The following ADGRD2 variants were observed in gnomAD, a reference collection of about 807,000 sequenced individuals.
ADGRD2 encodes the protein G protein-coupled receptor PGR24.
Under a neutral mutation model 44.4 loss-of-function variants are expected in ADGRD2, and 71 were observed. The observed-to-expected ratio is 1.60, with a 90% CI of 1.32 to 1.95. The LOEUF is 1.95. Ranked by LOEUF, ADGRD2 falls within the 30% of genes most tolerant of loss-of-function variation. The pLI, the probability that ADGRD2 is intolerant of heterozygous loss-of-function variation, is 0.00. For synonymous variants in ADGRD2, 481 were observed against 224.8 expected (o/e 2.14, Z -10.19); for missense variants, 1,039 against 512.4 (o/e 2.03, Z -9.92).
intron 21 of ADGRD2, among the ~76,000 whole-genome samples, chr9:124,477,318 C>A (rs1832068430): frequency 6.6e-6 from 1 of 152,188 alleles, no homozygotes; most frequent in Admixed American, 6.5e-5. Context: ...GGACCCTGAC[C>A]GCTGGCCGCC....
intron 17 of ADGRD2, among the ~76,000 whole-genome samples, chr9:124,473,057 T>C (rs547803217): frequency 1.3e-5 from 2 of 152,288 alleles, no homozygotes; most frequent in African/African-American, 4.8e-5. Flanking sequence ...GCCTTTCCCT[T>C]CACCTCTCCT....
chr9:124,454,638 T>C lies in ADGRD2; in HGVS notation c.1108+69T>C. 1 of 688,308 alleles carries C rather than the reference T, an allele frequency of 1.5e-6. No homozygotes were observed. Among genetic ancestry groups the C allele is most frequent in the Non-Finnish European group, 2.7e-6 (1 of 367,616 alleles). The allele number at this position is 688,308 out of a possible 1,614,324, so 42.6% of individuals were successfully genotyped here. A position where few individuals can be genotyped will look rare whatever the true frequency, so the allele number is the denominator to read the frequency against. On this transcript the variant is annotated intron_variant, in intron 5 of 21. Transcript: ENST00000334810. This position sits in a 1 kb window ranked among gnomAD's most constrained non-coding sequence, Gnocchi z 4.5. ...GTCACCTCGCTGCACCTCAGTTTCCTCCCTTGTAAAGGGGACACCCACCTG... is the reference window on the plus strand; with the variant it reads ...GTCACCTCGCTGCACCTCAGTTTCCCCCCTTGTAAAGGGGACACCCACCTG...
chr9:124,477,275 T>A lies in ADGRD2; in HGVS notation c.*18+566T>A, dbSNP rs1476665891. Among the ~76,000 whole-genome samples the A allele has an allele frequency of 4.6e-5, 7 of 152,122 alleles. No individual in the cohort carries two copies. In the East Asian group the frequency reaches 1.4e-3, roughly 29 times the overall value. On this transcript the variant is annotated intron_variant, in intron 21 of 21. Transcript: ENST00000334810. ...CCGGCTCAGGGAGAGGACTGAAGCC[T>A]GGGGAGCTCAGCCGGGCCCAGGGGA...
intron 16 of ADGRD2, among the ~76,000 whole-genome samples, chr9:124,470,067 C>T (rs1170638005): frequency 6.6e-6 from 1 of 152,144 alleles, no homozygotes; most frequent in Non-Finnish European, 1.5e-5. Flanking sequence ...TTTCCCCTTC[C>T]CCACCCATCC....
chr9:124,452,354 T>C lies in ADGRD2; in HGVS notation c.69-156T>C, dbSNP rs74331934. On this transcript the variant is annotated intron_variant, in intron 1 of 21. Coordinates refer to ENST00000334810, the Ensembl canonical transcript of ADGRD2. ...ATTGCGCAGATGACGAAAAGAGCTC[T>C]GCAAGAGGACAGGACTCAGCAGGCC... is the stretch of plus-strand genomic sequence containing the variant. The C allele has an allele frequency of 3.1e-3, 2,039 of 649,256 alleles. 36 individuals are homozygous for C. The African/African-American group carries it at 0.032, about 10-fold the overall frequency. The allele number at this position is 649,256 out of a possible 1,614,324, so 40.2% of individuals were successfully genotyped here.
chr9:124,464,945 A>G (rs898983358), intron 10 of ADGRD2, among the ~76,000 whole-genome samples: 4 of 152,194 alleles, frequency 2.6e-5, no homozygotes, highest in African/African-American at 9.6e-5. Flanking sequence ...CAGTAGCCAG[A>G]GGCCTGTGTG....
At chr9:124,465,964 T>G in intron 10 of ADGRD2, 1 of 247,936 alleles carries the variant, frequency 4.0e-6, no homozygotes. Context: ...GCTCCAGGGA[T>G]TATCCTGGCT....
chr9:124,468,765 A>G lies in ADGRD2; in HGVS notation c.2387+93A>G, dbSNP rs1588607379. On this transcript the variant is annotated intron_variant, in intron 14 of 21. Coordinates refer to ENST00000334810, the Ensembl canonical transcript of ADGRD2. ...TAACATGGCCCCACACCCAGCACTC[A>G]GCACCCAGCACCACTCAGCATCCGG... 2.2e-5 allele frequency: 14 copies of G among 631,444 alleles called. No homozygotes were observed. In the East Asian group the frequency reaches 3.8e-4, roughly 17 times the overall value. 39.1% of individuals were successfully genotyped at this position (631,444 alleles called of 1,614,324 possible). A position where few individuals can be genotyped will look rare whatever the true frequency, so the allele number is the denominator to read the frequency against.
At chr9:124,470,007 G>T (rs951756567) in intron 16 of ADGRD2, among the ~76,000 whole-genome samples, 1 of 152,106 alleles carries the variant, frequency 6.6e-6, no homozygotes, top group Non-Finnish European at 1.5e-5. Flanking sequence ...TCACACTCTG[G>T]GAGAGAGAGG....
At chr9:124,462,664 C>T (rs766515283) in intron 10 of ADGRD2, among the ~76,000 whole-genome samples, 2 of 151,940 alleles carry the variant, frequency 1.3e-5, no homozygotes, top group African/African-American at 2.4e-5. Flanking sequence ...TGGATATTAC[C>T]GGAAATGATA....
At chr9:124,462,800 T>A (rs113921194) in intron 10 of ADGRD2, among the ~76,000 whole-genome samples, 6 of 152,364 alleles carry the variant, frequency 3.9e-5, no homozygotes, top group African/African-American at 1.4e-4. Context: ...TTCTGGAACC[T>A]CTAGGATTTT....
intron 10 of ADGRD2, among the ~76,000 whole-genome samples, chr9:124,459,067 T>A (rs1203268062): frequency 6.6e-6 from 1 of 152,118 alleles, no homozygotes; most frequent in Non-Finnish European, 1.5e-5. Flanking sequence ...TCCCATGGAG[T>A]CATTCACTGC....
chr9:124,476,093 G>A (rs1421831446), intron 19 of ADGRD2, among the ~76,000 whole-genome samples: 9 of 152,284 alleles, frequency 5.9e-5, no homozygotes, highest in South Asian at 2.1e-4. Context: ...CAGATGGTGA[G>A]TAAATGGGGT....
At chr9:124,457,067 C>T (rs1439578534) in intron 7 of ADGRD2, among the ~76,000 whole-genome samples, 1 of 152,236 alleles carries the variant, frequency 6.6e-6, no homozygotes, top group Non-Finnish European at 1.5e-5. Context: ...AATTATCTCC[C>T]TCTATGGGAC....
At chr9:124,464,439 T>C (rs4838183) in intron 10 of ADGRD2, among the ~76,000 whole-genome samples, 108,906 of 152,142 alleles carry the variant, frequency 0.72, 40,293 homozygotes, top group African/African-American at 0.91. Context: ...TAACCCTCCT[T>C]TCTGAGCCTC....
chr9:124,468,745 T>C (rs1588607372), intron 14 of ADGRD2, 73 bp downstream of exon 17: 1 of 657,006 alleles, frequency 1.5e-6, no homozygotes. Flanking sequence ...CCATCTAACA[T>C]GGCCCCACAC....
At chr9:124,461,198 C>A (rs933799145) in intron 10 of ADGRD2, among the ~76,000 whole-genome samples, 3 of 151,934 alleles carry the variant, frequency 2.0e-5, no homozygotes, top group Non-Finnish European at 4.4e-5. Flanking sequence ...GATACAAGTC[C>A]TTTGTTAGAG....
In ADGRD2 at chr9:124,454,363, C is replaced by T. The variant is rs1032462266; in HGVS notation, c.1023-121C>T. The T allele has an allele frequency of 1.8e-5, 11 of 624,664 alleles. No individual in the cohort carries two copies. The East Asian group carries it at 3.0e-4, about 17-fold the overall frequency. The allele number at this position is 624,664 out of a possible 1,614,324, so 38.7% of individuals were successfully genotyped here. On this transcript the variant is annotated intron_variant, in intron 4 of 21. Coordinates refer to ENST00000334810, the Ensembl canonical transcript of ADGRD2. This position sits in a 1 kb window ranked among gnomAD's most constrained non-coding sequence, Gnocchi z 4.5. ...CACCGTGTGTAAGACTCTGGACACACAGCCATCAAGGTGCTCTTCCTTCCC... is the reference window on the plus strand; with the variant it reads ...CACCGTGTGTAAGACTCTGGACACATAGCCATCAAGGTGCTCTTCCTTCCC...
chr9:124,476,530 G>A (rs1157679686), intron 20 of ADGRD2, 115 bp downstream of exon 23: 1 of 637,794 alleles, frequency 1.6e-6, no homozygotes, highest in Non-Finnish European at 2.8e-6. Context: ...GCTTCCCGGG[G>A]ATCTGTTTCT....
Sources: gnomAD v4.1 joint callset for allele counts (sites outside exome capture counted in the v4.1 genomes callset) on GRCh38, gnomAD v4.1.1 for gene constraint, Gnocchi (gnomAD v3.1) non-coding constraint, MANE v1.5 for transcripts, NCBI Gene and HGNC (gene_info 2026-07-23, HGNC 2026-07-21) for gene names.